Variants in TF observed in about 807,000 individuals in gnomAD.
TF encodes serotransferrin.
TF carries 55 observed loss-of-function variants against 82.4 expected under a neutral mutation model. The observed-to-expected ratio is 0.67, with a 90% CI of 0.54 to 0.84. The LOEUF is 0.84. TF is among the 40% of genes least tolerant of loss of function. TF has a pLI of 0.00. For synonymous variants in TF, 332 were observed against 332.6 expected (o/e 1.00, Z 0.02); for missense variants, 737 against 868.4 (o/e 0.85, Z 1.90).
chr3:133,776,867 G>A (rs1276990780), intron 15 of TF, among the ~76,000 whole-genome samples, 182 bp from the exon 16 acceptor site: 1 of 152,158 alleles, frequency 6.6e-6, no homozygotes, highest in Non-Finnish European at 1.5e-5. Context: ...CATCATGAAA[G>A]CATGCAGCTG....
chr3:133,752,247 C>G (rs993295426), intron 2 of TF, among the ~76,000 whole-genome samples: 5 of 151,966 alleles, frequency 3.3e-5, no homozygotes, highest in South Asian at 2.1e-4. Context: ...CATGTGCCAC[C>G]AAGCCCAGCT....
Position 133,759,158 on chromosome 3 carries a change from C to A in TF, c.1049-17C>A. On this transcript the variant is annotated splice_polypyrimidine_tract_variant and intron_variant, in intron 8 of 16. Transcript: ENST00000402696. Reference sequence around the variant, plus strand: ...GCTAGGGCCGCTTCTGATCTTTGTTCTTTTTTTATGCCATAGGCCCAGAAG... The same window carrying A: ...GCTAGGGCCGCTTCTGATCTTTGTTATTTTTTTATGCCATAGGCCCAGAAG... The A allele has an allele frequency of 5.6e-6, 9 of 1,598,492 alleles. No homozygotes were observed. Among genetic ancestry groups the A allele is most frequent in the African/African-American group, 1.3e-5 (1 of 74,544 alleles).
At chr3:133,776,912 T>A (rs1449792799) in intron 15 of TF, 137 bp from the exon 16 acceptor site, 2 of 768,510 alleles carry the variant, frequency 2.6e-6, no homozygotes, top group African/African-American at 3.5e-5. Context: ...ATAAAGGAGG[T>A]GGAAAATTCC....
intron 1 of TF, 114 bp from the exon 2 acceptor site, chr3:133,748,298 G>A: frequency 7.9e-7 from 1 of 1,271,042 alleles, no homozygotes; most frequent in Non-Finnish European, 1.1e-6. Flanking sequence ...ATGGACAGGA[G>A]TGAGAGGAGG....
upstream of TF, among the ~76,000 whole-genome samples, chr3:133,744,542 T>A (rs967625831): frequency 6.6e-6 from 1 of 152,226 alleles, no homozygotes; most frequent in Non-Finnish European, 1.5e-5. Context: ...TAGAGCCTGC[T>A]GCAGGGGCAG....
At chr3:133,696,743 A>T in the TF span, among the ~76,000 whole-genome samples, 1 of 152,180 alleles carries the variant, frequency 6.6e-6, no homozygotes, top group Admixed American at 6.5e-5. Flanking sequence ...ATCTGCATTT[A>T]AATCTGTTTC....
the TF span, among the ~76,000 whole-genome samples, chr3:133,690,973 G>A: frequency 6.6e-6 from 1 of 151,792 alleles, no homozygotes; most frequent in African/African-American, 2.4e-5. Context: ...TTTAATTAGA[G>A]TCCTAACTTT....
At chr3:133,741,259 C>A (rs1266163752), upstream of TF, among the ~76,000 whole-genome samples, 1 of 152,028 alleles carries the variant, frequency 6.6e-6, no homozygotes, top group Non-Finnish European at 1.5e-5. Context: ...TCCCAAAGTT[C>A]TGTGATTATA....
At chr3:133,761,935 G>T (rs981406541) in intron 9 of TF, 12 of 162,508 alleles carry the variant, frequency 7.4e-5, no homozygotes, top group Non-Finnish European at 1.7e-4. Context: ...TGGGAGGAAG[G>T]TGGATACTTT....
At chr3:133,717,586 C>A in the TF span, among the ~76,000 whole-genome samples, 4 of 152,120 alleles carry the variant, frequency 2.6e-5, no homozygotes, top group Non-Finnish European at 5.9e-5. Context: ...ATAGTGTATT[C>A]GTCCCAATGC....
upstream of TF, among the ~76,000 whole-genome samples, chr3:133,741,384 C>T (rs556311039): frequency 5.2e-3 from 785 of 152,002 alleles, 4 homozygotes; most frequent in African/African-American, 0.018. Flanking sequence ...TTATTTTTTT[C>T]CTTTTCAATC....
chr3:133,752,036 A>G (rs1933686844), intron 2 of TF, among the ~76,000 whole-genome samples: 1 of 151,532 alleles, frequency 6.6e-6, no homozygotes, highest in Non-Finnish European at 1.5e-5. Flanking sequence ...TAGAAATACT[A>G]TTGTCTTATT....
rs752357330 is a variant in TF at position 133,766,310 on chromosome 3, G to T, written c.1363G>T (p.Ala455Ser). ...YFAIAVVKKS[A>S]SDLTWDNLKG... Reference sequence around the variant, plus strand: ...TGCTATAGCAGTGGTGAAGAAATCAGCTTCTGACCTCACCTGGGACAATCT... The same window carrying T: ...TGCTATAGCAGTGGTGAAGAAATCATCTTCTGACCTCACCTGGGACAATCT... The change falls in exon 12 of 17, where the codon GCT becomes TCT. Residue 455 changes from alanine to serine, a missense_variant. Ala to Ser is a moderately conservative substitution (Grantham distance 99). Coordinates refer to ENST00000402696, the MANE Select transcript of TF (RefSeq NM_001063.4). The T allele has an allele frequency of 6.2e-7, 1 of 1,614,176 alleles. No individual in the cohort carries two copies. The highest frequency in any genetic ancestry group is 8.5e-7 in the Non-Finnish European group (1 of 1,180,010).
At chr3:133,667,197 T>A in the TF span, among the ~76,000 whole-genome samples, 1 of 151,932 alleles carries the variant, frequency 6.6e-6, no homozygotes, top group Non-Finnish European at 1.5e-5. Context: ...TTTTGTTGTT[T>A]TTTTTTAAAA....
At chr3:133,756,471 T>C in intron 6 of TF, 134 bp downstream of exon 6, 1 of 1,064,708 alleles carries the variant, frequency 9.4e-7, no homozygotes, top group Non-Finnish European at 1.4e-6. Context: ...GGTTTCCACC[T>C]GTGCAGAGTT....
intron 6 of TF, among the ~76,000 whole-genome samples, 168 bp from the exon 7 acceptor site, chr3:133,756,663 A>T (rs1259387689): frequency 6.6e-6 from 1 of 152,106 alleles, no homozygotes; most frequent in East Asian, 1.9e-4. Flanking sequence ...AGAAGCCTTT[A>T]CCTGGCTGTG....
chr3:133,758,011 G>A, intron 8 of TF, 65 bp downstream of exon 8: 1 of 1,529,136 alleles, frequency 6.5e-7, no homozygotes, highest in Admixed American at 1.7e-5. Context: ...ACAGGGGCCA[G>A]AGATTGAGTC....
chr3:133,729,206 G>T, the TF span, among the ~76,000 whole-genome samples: 73 of 152,330 alleles, frequency 4.8e-4, no homozygotes, highest in African/African-American at 6.7e-4. Flanking sequence ...CAGGGACATT[G>T]AAGTCTGCAG....
At chr3:133,684,937 T>C in the TF span, among the ~76,000 whole-genome samples, 1 of 152,268 alleles carries the variant, frequency 6.6e-6, no homozygotes, top group Admixed American at 6.5e-5. Flanking sequence ...CTGATGAACA[T>C]CGATGCAAAA....
Sources: allele counts gnomAD v4.1 joint callset (sites outside exome capture counted in the v4.1 genomes callset), GRCh38; gene constraint gnomAD v4.1.1; transcripts MANE v1.5; gene names NCBI Gene and HGNC (gene_info 2026-07-23, HGNC 2026-07-21).